SNX13: variants seen among roughly 807,000 people sequenced by gnomAD.
SNX13 encodes the protein sorting nexin-13.
Under a neutral mutation model 133.6 loss-of-function variants are expected in SNX13, and 45 were observed. That is an observed-to-expected ratio of 0.34 (90% CI 0.27 to 0.43). SNX13 has a LOEUF of 0.43. Ranked by LOEUF, SNX13 falls within the 20% of genes least tolerant of loss-of-function variation. SNX13 has a pLI of 1.00. For missense variants in SNX13, 1,032 were observed against 1,145.1 expected (o/e 0.90, Z 1.43); for synonymous variants, 414 against 373.9 (o/e 1.11, Z -1.24).
At chr7:17,914,150 G>A (rs888198615) in intron 1 of SNX13, among the ~76,000 whole-genome samples, 4 of 150,168 alleles carry the variant, frequency 2.7e-5, no homozygotes, top group Admixed American at 1.3e-4. Flanking sequence ...TTCAAAGGCC[G>A]ATCCTGCAAA....
chr7:17,835,866 T>C (rs1277376570), intron 13 of SNX13, among the ~76,000 whole-genome samples: 1 of 151,944 alleles, frequency 6.6e-6, no homozygotes, highest in East Asian at 1.9e-4. Flanking sequence ...GTTGTTGTTT[T>C]GAGGGGGATG....
At chr7:17,890,001 A>G (rs1796456839) in intron 5 of SNX13, 1 of 160,712 alleles carries the variant, frequency 6.2e-6, no homozygotes, top group Admixed American at 6.4e-5. Flanking sequence ...TTACACTGAA[A>G]CTAATCTATT....
intron 12 of SNX13, among the ~76,000 whole-genome samples, chr7:17,842,816 T>A (rs180860668): frequency 1.3e-5 from 2 of 152,136 alleles, no homozygotes; most frequent in East Asian, 3.9e-4. Flanking sequence ...GACAGAGCTG[T>A]AAAGGAGCAA....
chr7:17,794,356 A>G (rs1783829656), intron 25 of SNX13, 64 bp from the exon 26 acceptor site: 1 of 1,529,522 alleles, frequency 6.5e-7, no homozygotes, highest in African/African-American at 1.4e-5. Flanking sequence ...AAACTCTTAA[A>G]TGTTCTTAAA....
intron 1 of SNX13, among the ~76,000 whole-genome samples, chr7:17,928,949 T>G (rs1801076174): frequency 6.6e-6 from 1 of 152,118 alleles, no homozygotes; most frequent in South Asian, 2.1e-4. Flanking sequence ...TATAAACCAT[T>G]CTATTTGTTA....
At chr7:17,896,334 A>AGC (rs1797207442) in intron 2 of SNX13, among the ~76,000 whole-genome samples, 1 of 152,204 alleles carries the variant, frequency 6.6e-6, no homozygotes. Context: ...TCCTTGACAT[A>AGC]GCTGCTCAAT....
At chr7:17,917,425 A>T (rs1469756650) in intron 1 of SNX13, among the ~76,000 whole-genome samples, 3 of 152,190 alleles carry the variant, frequency 2.0e-5, no homozygotes, top group African/African-American at 7.2e-5. Flanking sequence ...AGATTCTGCC[A>T]AAAGACTCCT....
At chr7:17,799,239 A>G (rs1265418087) in intron 22 of SNX13, 85 bp from the exon 23 acceptor site, 1 of 1,134,150 alleles carries the variant, frequency 8.8e-7, no homozygotes, top group African/African-American at 1.6e-5. Context: ...GAAATGATTG[A>G]TATTTCACAA....
chr7:17,866,227 T>C (rs1388709230), intron 9 of SNX13, among the ~76,000 whole-genome samples: 1 of 151,894 alleles, frequency 6.6e-6, no homozygotes, highest in East Asian at 1.9e-4. Flanking sequence ...GAGAAAATAT[T>C]TGCAAGCTAC....
intron 1 of SNX13, among the ~76,000 whole-genome samples, chr7:17,928,854 A>G (rs1325813876): frequency 6.6e-6 from 1 of 152,180 alleles, no homozygotes; most frequent in Non-Finnish European, 1.5e-5. Context: ...TTTAAGTCCA[A>G]GATGATGTCT....
chr7:17,815,500 C>A (rs1369409308), intron 19 of SNX13, among the ~76,000 whole-genome samples: 1 of 152,058 alleles, frequency 6.6e-6, no homozygotes, highest in Non-Finnish European at 1.5e-5. Context: ...CAGGATGATC[C>A]CTCGAGCCCA....
chr7:17,816,582 GA>G (rs1786691044), intron 18 of SNX13, among the ~76,000 whole-genome samples: 2 of 152,118 alleles, frequency 1.3e-5, no homozygotes, highest in Admixed American at 1.3e-4. Flanking sequence ...AGAATAGCTT[GA>G]ACCCAGAAGG....
intron 15 of SNX13, among the ~76,000 whole-genome samples, chr7:17,832,912 T>C (rs1347196674): frequency 6.6e-6 from 1 of 151,312 alleles, no homozygotes; most frequent in Non-Finnish European, 1.5e-5. Context: ...GACACAGGGA[T>C]AGGAGGTGGA....
At chr7:17,821,312 T>C (rs1045264715) in intron 18 of SNX13, among the ~76,000 whole-genome samples, 197 bp downstream of exon 18, 1 of 152,210 alleles carries the variant, frequency 6.6e-6, no homozygotes, top group Non-Finnish European at 1.5e-5. Context: ...TAGTCCATGA[T>C]GGTTAGGACT....
intron 5 of SNX13, among the ~76,000 whole-genome samples, chr7:17,876,697 A>G (rs866278949): frequency 6.6e-6 from 1 of 152,132 alleles, no homozygotes; most frequent in Non-Finnish European, 1.5e-5. Context: ...GGTGATTACT[A>G]ATTTTAAGAA....
chr7:17,875,653 G>C lies in SNX13; in HGVS notation c.562+16C>G. ...GATTTTCAAATCCTAGTTTTCAAAT[G>C]GAATAAAGATATTACCTTTCACTTG... is the stretch of plus-strand genomic sequence containing the variant. On this transcript the variant is annotated intron_variant, in intron 6 of 25. Transcript: ENST00000428135. The C allele has an allele frequency of 6.2e-7, 1 of 1,605,474 alleles. No homozygotes were observed. Among genetic ancestry groups the C allele is most frequent in the South Asian group, 1.1e-5 (1 of 89,500 alleles).
intron 25 of SNX13, chr7:17,796,125 C>A (rs1420757304): frequency 1.3e-5 from 2 of 151,618 alleles, no homozygotes; most frequent in Non-Finnish European, 3.0e-5. Context: ...GCAAAACAAC[C>A]ATCACCACCT....
At chr7:17,834,983 G>T in intron 13 of SNX13, 118 bp from the exon 14 acceptor site, 1 of 595,824 alleles carries the variant, frequency 1.7e-6, no homozygotes, top group Non-Finnish European at 2.9e-6. Flanking sequence ...AGAATCATTG[G>T]TTTGTAAACG....
chr7:17,882,615 T>C, intron 5 of SNX13: 1 of 183,112 alleles, frequency 5.5e-6, no homozygotes, highest in Non-Finnish European at 1.1e-5. Flanking sequence ...AGCAATCCTA[T>C]ATACTTAAAA....
Sources: gnomAD v4.1 joint callset for allele counts (sites outside exome capture counted in the v4.1 genomes callset) on GRCh38, gnomAD v4.1.1 for gene constraint, MANE v1.5 for transcripts, NCBI Gene and HGNC (gene_info 2026-07-23, HGNC 2026-07-21) for gene names.